Variants in ZNF516 observed in about 807,000 individuals in gnomAD.
The protein encoded by ZNF516 is zinc finger protein 516.
A neutral mutation model predicts 79.7 loss-of-function variants in ZNF516; 19 were observed. The observed-to-expected ratio is 0.24, with a 90% CI of 0.17 to 0.35. The LOEUF (loss-of-function observed/expected upper bound fraction) is 0.35. Among genes scored for constraint, ZNF516 ranks in the 10% least tolerant of loss-of-function variants. ZNF516 has a pLI of 1.00. For missense variants in ZNF516, 1,678 were observed against 1,679.5 expected (o/e 1.00, Z 0.02); for synonymous variants, 877 against 739.5 (o/e 1.19, Z -3.02).
chr18:76,479,055 C>CAA (rs35963834), intron 1 of ZNF516, among the ~76,000 whole-genome samples: 1 of 140,372 alleles, frequency 7.1e-6, no homozygotes, highest in Non-Finnish European at 1.6e-5. Flanking sequence ...AGATTCTGTC[C>CAA]AAAAAAAAAA....
intron 1 of ZNF516, among the ~76,000 whole-genome samples, chr18:76,489,031 A>C (rs2145824919): frequency 6.6e-6 from 1 of 152,392 alleles, no homozygotes; most frequent in Non-Finnish European, 1.5e-5. Context: ...TCCCTGCTGC[A>C]GAACGCAGTG....
chr18:76,440,761 T>TGTGTGTGTGTGTGTGTGTGTGTGTGCGC (rs571461431), intron 3 of ZNF516, among the ~76,000 whole-genome samples: 1 of 150,144 alleles, frequency 6.7e-6, no homozygotes, highest in Admixed American at 6.6e-5. Context: ...TGTGTGTGTG[T>TGTGTGTGTGTGTGTGTGTGTGTGTGCGC]GCGCGCACGC....
In ZNF516 at chr18:76,442,624, G is replaced by A. The variant is rs767936289; in HGVS notation, c.431C>T (p.Ser144Leu). Residue 144 changes from serine (S) to leucine (L), a missense_variant, in exon 3 of 7, where the codon TCG becomes TTG. Transcript: ENST00000443185. ...ADGARVLNGASQADSGRVLLR... is the reference protein window; with the variant it reads ...ADGARVLNGALQADSGRVLLR... The stretch of plus-strand genomic sequence containing the variant: ...CAGGACTCTGCCGCTGTCGGCCTGC[G>A]AGGCCCCGTTCAGGACCCTGGCGCC... 1.0e-5 allele frequency: 16 copies of A among 1,595,770 alleles called. No individual in the cohort carries two copies. In the African/African-American group the frequency reaches 1.9e-4, roughly 19 times the overall value.
chr18:76,418,060 T>C (rs879890406), intron 3 of ZNF516, among the ~76,000 whole-genome samples: 1 of 152,200 alleles, frequency 6.6e-6, no homozygotes, highest in Non-Finnish European at 1.5e-5. Context: ...GCCCCACAAC[T>C]GTGTTTCCCC....
At chr18:76,362,918 G>T (rs2074560185) in intron 6 of ZNF516, among the ~76,000 whole-genome samples, 3 of 152,198 alleles carry the variant, frequency 2.0e-5, no homozygotes, top group Admixed American at 2.0e-4. Context: ...AAGATGAGGA[G>T]GCGGCCAGAT....
At chr18:76,491,407 C>A (rs1441426297) in intron 1 of ZNF516, among the ~76,000 whole-genome samples, 15 of 136,568 alleles carry the variant, frequency 1.1e-4, no homozygotes, top group African/African-American at 3.0e-4. Context: ...CGGCTCCCCC[C>A]GCCCGCCCCG....
intron 4 of ZNF516, among the ~76,000 whole-genome samples, chr18:76,372,002 G>A (rs868404315): frequency 2.6e-5 from 4 of 152,084 alleles, no homozygotes; most frequent in African/African-American, 9.7e-5. Context: ...ACCCGGCCGC[G>A]ATCCTGGGAG....
intron 1 of ZNF516, among the ~76,000 whole-genome samples, chr18:76,466,694 G>A (rs777249370): frequency 6.6e-6 from 1 of 152,236 alleles, no homozygotes. Context: ...GGATGGGTGT[G>A]AGGCAAGACA....
chr18:76,481,709 G>A (rs1033257842), intron 1 of ZNF516, among the ~76,000 whole-genome samples: 2 of 152,196 alleles, frequency 1.3e-5, no homozygotes, highest in African/African-American at 4.8e-5. Context: ...GTTCATAGTA[G>A]GCACTTGATC....
rs992702267 is a variant in ZNF516 at position 76,361,652 on chromosome 18, T to C, written c.*846A>G. 3 of 152,250 alleles carry C rather than the reference T, an allele frequency of 2.0e-5. No individual in the cohort carries two copies. Among genetic ancestry groups the C allele is most frequent in the African/African-American group, 7.2e-5 (3 of 41,462 alleles). The allele number at this position is 152,250 out of a possible 1,614,324, so 9.4% of individuals were successfully genotyped here. A position where few individuals can be genotyped will look rare whatever the true frequency, so the allele number is the denominator to read the frequency against. ...TGGCTAAATAATTTGTTAAGACGTA[T>C]AGTCTTCCTTTGTAAGCAGTTTGCA... is the stretch of plus-strand genomic sequence containing the variant. On this transcript the variant is annotated 3_prime_UTR_variant, in exon 7 of 7. Transcript: ENST00000443185.
chr18:76,466,457 C>A (rs749170567), intron 1 of ZNF516, among the ~76,000 whole-genome samples: 33 of 152,242 alleles, frequency 2.2e-4, no homozygotes, highest in Non-Finnish European at 4.0e-4. Flanking sequence ...ACGCTCTGCA[C>A]GCTCACCAGG....
At chr18:76,371,996 G>A (rs759585017) in intron 4 of ZNF516, among the ~76,000 whole-genome samples, 4 of 152,174 alleles carry the variant, frequency 2.6e-5, no homozygotes, top group African/African-American at 4.8e-5. Flanking sequence ...ACCGTGACCC[G>A]GCCGCGATCC....
intron 3 of ZNF516, among the ~76,000 whole-genome samples, chr18:76,401,303 C>A (rs2075217422): frequency 6.9e-6 from 1 of 145,276 alleles, no homozygotes; most frequent in Non-Finnish European, 1.5e-5. Context: ...CCCAATTGAA[C>A]AATGCCTCAG....
chr18:76,367,998 T>G (rs771025756), intron 6 of ZNF516, among the ~76,000 whole-genome samples: 2 of 152,128 alleles, frequency 1.3e-5, no homozygotes, highest in Non-Finnish European at 2.9e-5. Flanking sequence ...ATCCCTAGCA[T>G]CTAAAGCCCA....
intron 1 of ZNF516, among the ~76,000 whole-genome samples, chr18:76,474,336 A>G (rs1244182877): frequency 2.6e-5 from 4 of 152,208 alleles, no homozygotes; most frequent in Non-Finnish European, 4.4e-5. Flanking sequence ...ACCACAAGGA[A>G]GGCTCTAAAA....
At chr18:76,417,528 T>G (rs997018666) in intron 3 of ZNF516, among the ~76,000 whole-genome samples, 1 of 152,238 alleles carries the variant, frequency 6.6e-6, no homozygotes, top group Non-Finnish European at 1.5e-5. Flanking sequence ...CAAGCACGGA[T>G]TTTTACCTTA....
At chr18:76,496,140 TGGGGGAGGGGAGGGCGGGCGCGCGGGGGC>T (rs1300531442), upstream of ZNF516, 2 of 382,870 alleles carry the variant, frequency 5.2e-6, no homozygotes, top group Admixed American at 1.7e-4. Flanking sequence ...ATGGCCGGGG[TGGGGGAGGGGAGGGCGGGCGCGCGGGGGC>T]GGGGGAGGGG....
At chr18:76,473,347 G>T (rs1228868119) in intron 1 of ZNF516, among the ~76,000 whole-genome samples, 2 of 93,540 alleles carry the variant, frequency 2.1e-5, no homozygotes, top group East Asian at 5.6e-4. Flanking sequence ...TTGACTATTT[G>T]CTCTCTGCAA....
chr18:76,468,027 G>A (rs1194945916), intron 1 of ZNF516, among the ~76,000 whole-genome samples: 2 of 152,156 alleles, frequency 1.3e-5, no homozygotes, highest in African/African-American at 4.8e-5. Context: ...ACTCCCTGCA[G>A]CAGCCAACAC....
Sources: allele counts gnomAD v4.1 joint callset (sites outside exome capture counted in the v4.1 genomes callset), GRCh38; gene constraint gnomAD v4.1.1; transcripts MANE v1.5; gene names NCBI Gene and HGNC (gene_info 2026-07-23, HGNC 2026-07-21).